IKZF2: variants seen among roughly 807,000 people sequenced by gnomAD.
The protein encoded by IKZF2 is zinc finger protein Helios.
IKZF2 carries 15 observed loss-of-function variants against 49.2 expected under a neutral mutation model. The observed-to-expected ratio is 0.30, with a 90% CI of 0.20 to 0.47. The LOEUF (loss-of-function observed/expected upper bound fraction) is 0.47. Among genes scored for constraint, IKZF2 ranks in the 20% least tolerant of loss-of-function variants. The probability of loss-of-function intolerance (pLI) is 1.00; values close to 1 mark genes in which losing one functional copy is unlikely to be tolerated. For missense variants in IKZF2, 567 were observed against 664.6 expected (o/e 0.85, Z 1.61); for synonymous variants, 227 against 221.4 (o/e 1.03, Z -0.23).
chr2:213,021,630 G>A, intron 7 of IKZF2: 1 of 397,760 alleles, frequency 2.5e-6, no homozygotes, highest in African/African-American at 2.1e-5. Context: ...CAAATTATAT[G>A]ACTGATCACT....
At chr2:213,030,506 G>A (rs1198332173) in intron 6 of IKZF2, among the ~76,000 whole-genome samples, 4 of 151,968 alleles carry the variant, frequency 2.6e-5, no homozygotes, top group South Asian at 2.1e-4. Flanking sequence ...TTGAGGGTGG[G>A]GGGATGAATG....
rs1365297677 is a variant in IKZF2 at position 213,002,114 on chromosome 2, T to G, written c.*5246A>C. On this transcript the variant is annotated 3_prime_UTR_variant, in exon 9 of 9. Coordinates refer to ENST00000434687, the MANE Select transcript of IKZF2 (RefSeq NM_001387220.1). The stretch of plus-strand genomic sequence containing the variant: ...CTCATTTATTTGTACCTATATGAAC[T>G]TATATGCTGTACTTTATGTGACTTA... 6.6e-6 allele frequency: 1 copy of G among 151,504 alleles called. No individual in the cohort carries two copies. 9.4% of individuals were successfully genotyped at this position (151,504 alleles called of 1,614,324 possible). A position where few individuals can be genotyped will look rare whatever the true frequency, so the allele number is the denominator to read the frequency against.
At chr2:213,110,571 G>A (rs1476625754) in intron 4 of IKZF2, among the ~76,000 whole-genome samples, 3 of 151,610 alleles carry the variant, frequency 2.0e-5, no homozygotes, top group Non-Finnish European at 4.4e-5. Context: ...CACTACTGAT[G>A]GGCATTGTTT....
At position 213,119,971 on chromosome 2, in the gene IKZF2, T is replaced by C. The variant is rs190513207; in HGVS notation, c.139+27737A>G. Among the ~76,000 whole-genome samples, 212 of 152,342 alleles carry C rather than the reference T, an allele frequency of 1.4e-3. 1 individual carries two copies. The highest frequency in any genetic ancestry group is 2.6e-4 in the Non-Finnish European group (18 of 68,038). ...TTGCTGTTGAAGGCAGACTACATGT[T>C]ATGTGAGCCCAGGTCTCTCCCTCTT... On this transcript the variant is annotated intron_variant, in intron 4 of 8. Coordinates refer to ENST00000434687, the MANE Select transcript of IKZF2 (RefSeq NM_001387220.1).
At chr2:213,077,546 C>G (rs1295396747) in intron 4 of IKZF2, among the ~76,000 whole-genome samples, 2 of 141,900 alleles carry the variant, frequency 1.4e-5, no homozygotes, top group Non-Finnish European at 3.1e-5. Flanking sequence ...TTTAATTGAC[C>G]TTTGGGCTTC....
rs1453933811 is a variant in IKZF2, at chr2:213,005,860, C to T, written c.*1500G>A. On this transcript the variant is annotated 3_prime_UTR_variant, in exon 9 of 9. Transcript: ENST00000434687. The stretch of plus-strand genomic sequence containing the variant: ...GCACATGAAATATGGCAACCTATAC[C>T]ATGTAAGGGGAATTCTATACTAAGG... The T allele has an allele frequency of 6.6e-6, 1 of 151,968 alleles. No individual in the cohort carries two copies. The highest frequency in any genetic ancestry group is 2.4e-5 in the African/African-American group (1 of 41,386). 9.4% of individuals were successfully genotyped at this position (151,968 alleles called of 1,614,324 possible).
chr2:213,128,420 C>T (rs907756234), intron 4 of IKZF2, among the ~76,000 whole-genome samples: 2 of 152,062 alleles, frequency 1.3e-5, no homozygotes, highest in African/African-American at 4.8e-5. Flanking sequence ...GGTCACACAG[C>T]TATTAGGTTG....
At chr2:213,044,165 C>T (rs774944033) in intron 6 of IKZF2, among the ~76,000 whole-genome samples, 56 of 152,152 alleles carry the variant, frequency 3.7e-4, no homozygotes, top group African/African-American at 5.1e-4. Flanking sequence ...ATTCTTCTAC[C>T]GAAGGTCAGT....
chr2:213,111,106 T>C (rs535744205), intron 4 of IKZF2, among the ~76,000 whole-genome samples: 2 of 152,164 alleles, frequency 1.3e-5, no homozygotes, highest in South Asian at 2.1e-4. Flanking sequence ...TTTTTTGCCA[T>C]GTAGAAATTT....
intron 7 of IKZF2, among the ~76,000 whole-genome samples, chr2:213,020,500 C>T (rs1056530760): frequency 6.6e-6 from 1 of 151,746 alleles, no homozygotes; most frequent in African/African-American, 2.4e-5. Flanking sequence ...GTTCCAGATC[C>T]TATGCTATCA....
At chr2:213,009,246 T>C (rs1386390097) in intron 8 of IKZF2, among the ~76,000 whole-genome samples, 4 of 152,132 alleles carry the variant, frequency 2.6e-5, no homozygotes, top group African/African-American at 9.7e-5. Flanking sequence ...ACATAATGTC[T>C]GACTGTTAAC....
chr2:213,091,148 A>C (rs1332224157), intron 4 of IKZF2, among the ~76,000 whole-genome samples: 1 of 152,174 alleles, frequency 6.6e-6, no homozygotes, highest in Non-Finnish European at 1.5e-5. Flanking sequence ...ATCTAAGATA[A>C]ATATGCTTAC....
chr2:213,008,353 A>C (rs755748050), intron 8 of IKZF2, among the ~76,000 whole-genome samples: 23 of 151,196 alleles, frequency 1.5e-4, no homozygotes, highest in Non-Finnish European at 2.7e-4. Context: ...TGCCTCAGCC[A>C]CCTGAGTAGC....
chr2:213,104,740 T>G (rs2059467617), intron 4 of IKZF2, among the ~76,000 whole-genome samples: 1 of 152,150 alleles, frequency 6.6e-6, no homozygotes, highest in Non-Finnish European at 1.5e-5. Context: ...GAACCCCAAC[T>G]AGAACAAGCT....
intron 7 of IKZF2, among the ~76,000 whole-genome samples, chr2:213,018,470 G>T (rs1334938801): frequency 6.6e-6 from 1 of 151,770 alleles, no homozygotes; most frequent in Non-Finnish European, 1.5e-5. Flanking sequence ...TTCTGCAGTT[G>T]CCTCTTCATC....
chr2:213,146,220 T>C (rs528614600), intron 4 of IKZF2, among the ~76,000 whole-genome samples: 1 of 152,156 alleles, frequency 6.6e-6, no homozygotes, highest in Admixed American at 6.6e-5. Context: ...AATAAAAACA[T>C]TACACCAAAT....
rs142170889 is a variant in IKZF2, at chr2:213,076,413, G to A, written c.140-19314C>T. ...ATTTAAACACAAATAATGTGTAGTA[G>A]GCATAGAATCCCAACACAAAAATTA... On this transcript the variant is annotated intron_variant, in intron 4 of 8. Coordinates refer to ENST00000434687, the MANE Select transcript of IKZF2 (RefSeq NM_001387220.1). Among the ~76,000 whole-genome samples the A allele has an allele frequency of 3.3e-5, 5 of 152,222 alleles. No individual in the cohort carries two copies. In the South Asian group the frequency reaches 1.0e-3, roughly 32 times the overall value.
intron 4 of IKZF2, among the ~76,000 whole-genome samples, chr2:213,065,894 T>C (rs1479902893): frequency 1.3e-5 from 2 of 152,054 alleles, no homozygotes; most frequent in Non-Finnish European, 2.9e-5. Context: ...ATCTGATATG[T>C]TTTTTACTCC....
chr2:213,020,199 C>A (rs1185204295), intron 7 of IKZF2, among the ~76,000 whole-genome samples: 1 of 152,118 alleles, frequency 6.6e-6, no homozygotes, highest in African/African-American at 2.4e-5. Flanking sequence ...CCTCAATTTA[C>A]CCTTAAATCC....
Sources: gnomAD v4.1 joint callset for allele counts (sites outside exome capture counted in the v4.1 genomes callset) on GRCh38, gnomAD v4.1.1 for gene constraint, MANE v1.5 for transcripts, NCBI Gene and HGNC (gene_info 2026-07-23, HGNC 2026-07-21) for gene names.